The following GBP6 variants were observed in gnomAD, a reference collection of about 807,000 sequenced individuals.
GBP6 encodes the protein guanylate-binding protein 6.
A neutral mutation model predicts 61.5 loss-of-function variants in GBP6; 54 were observed. The ratio of observed to expected loss-of-function variants is 0.88; its 90% CI spans 0.71 to 1.10. The LOEUF is 1.10. GBP6 is among the 50% of genes least tolerant of loss of function. The pLI is 0.00. For synonymous variants in GBP6, 255 were observed against 273.7 expected (o/e 0.93, Z 0.67); for missense variants, 748 against 752.8 (o/e 0.99, Z 0.07).
chr1:89,383,096 G>C (rs1337336495), intron 8 of GBP6, among the ~76,000 whole-genome samples: 1 of 152,120 alleles, frequency 6.6e-6, no homozygotes. Context: ...CCACCTAGGT[G>C]GTGGTAATAA....
At chr1:89,368,394 A>T in intron 1 of GBP6, 135 bp from the exon 2 acceptor site, 2 of 579,068 alleles carry the variant, frequency 3.5e-6, no homozygotes, top group Non-Finnish European at 6.2e-6. Flanking sequence ...TGATAAAAGA[A>T]GCCTTGTGCA....
At chr1:89,364,327 G>C (rs918119738) in intron 1 of GBP6, among the ~76,000 whole-genome samples, 200 bp downstream of exon 1, 8 of 152,242 alleles carry the variant, frequency 5.3e-5, no homozygotes, top group African/African-American at 1.9e-4. Context: ...CGTCCCCCTG[G>C]ATGTGCTGTT....
chr1:89,370,865 T>A (rs1570461845), intron 3 of GBP6, among the ~76,000 whole-genome samples: 1 of 152,320 alleles, frequency 6.6e-6, no homozygotes, highest in African/African-American at 2.4e-5. Context: ...TCTGTCCTCT[T>A]AGCGGAAGTG....
chr1:89,369,468 A>G (rs1158177023), intron 2 of GBP6, 78 bp from the exon 3 acceptor site: 2 of 1,514,694 alleles, frequency 1.3e-6, no homozygotes, highest in Non-Finnish European at 1.8e-6. Context: ...TTACAATCCA[A>G]CCAGTCTGAT....
intron 2 of GBP6, among the ~76,000 whole-genome samples, chr1:89,369,117 C>G (rs1652548028): frequency 1.3e-5 from 2 of 152,172 alleles, no homozygotes; most frequent in African/African-American, 4.8e-5. Flanking sequence ...ATTCCACATC[C>G]CATGTGGCCA....
Position 89,383,771 on chromosome 1 carries a change from A to C in GBP6, c.1468+17A>C. 6.5e-7 allele frequency: 1 copy of C among 1,548,252 alleles called. No homozygotes were observed. The highest frequency in any genetic ancestry group is 8.8e-7 in the Non-Finnish European group (1 of 1,134,132). ...CAGTAGCAGGTATGGGGCAGGGCTC[A>C]GCTTACACAGGAGGGGTACGTTTAT... On this transcript the variant is annotated intron_variant, in intron 9 of 10. Coordinates refer to ENST00000370456, the MANE Select transcript of GBP6 (RefSeq NM_198460.3).
chr1:89,376,879 T>C (rs1652823570), intron 3 of GBP6, among the ~76,000 whole-genome samples: 1 of 152,168 alleles, frequency 6.6e-6, no homozygotes, highest in Non-Finnish European at 1.5e-5. Flanking sequence ...GGGATTTTTA[T>C]AGAAACTTTA....
intron 1 of GBP6, among the ~76,000 whole-genome samples, chr1:89,366,599 T>C (rs925019366): frequency 3.9e-5 from 6 of 152,312 alleles, no homozygotes; most frequent in African/African-American, 1.4e-4. Flanking sequence ...GTCTTTGAGG[T>C]AGGTTATTTT....
chr1:89,385,596 C>T lies in GBP6; in HGVS notation c.*127C>T. Reference sequence around the variant, plus strand: ...TTGCCCAGGCTGGAGTACAGTGGTGCAATCTCAGCTCACTGCAACCTCTGC... The same window carrying T: ...TTGCCCAGGCTGGAGTACAGTGGTGTAATCTCAGCTCACTGCAACCTCTGC... On this transcript the variant is annotated 3_prime_UTR_variant, in exon 11 of 11. Coordinates refer to ENST00000370456, the MANE Select transcript of GBP6 (RefSeq NM_198460.3). 12 of 872,886 alleles carry T rather than the reference C, an allele frequency of 1.4e-5. No homozygotes were observed. Among genetic ancestry groups the T allele is most frequent in the Non-Finnish European group, 1.9e-5 (11 of 591,896 alleles). 54.1% of individuals were successfully genotyped at this position (872,886 alleles called of 1,614,324 possible).
chr1:89,370,288 T>C (rs1471285768), intron 3 of GBP6, among the ~76,000 whole-genome samples: 2 of 152,114 alleles, frequency 1.3e-5, no homozygotes, highest in Non-Finnish European at 2.9e-5. Context: ...AGAGAAGAGG[T>C]ATTGACTCCA....
intron 7 of GBP6, 67 bp from the exon 8 acceptor site, chr1:89,382,597 C>G: frequency 7.6e-7 from 1 of 1,308,046 alleles, no homozygotes; most frequent in Non-Finnish European, 1.1e-6. Flanking sequence ...ACTCTACCAC[C>G]AGATTCTTTA....
intron 1 of GBP6, among the ~76,000 whole-genome samples, chr1:89,365,813 G>C (rs1401277590): frequency 6.6e-6 from 1 of 152,120 alleles, no homozygotes; most frequent in East Asian, 1.9e-4. Context: ...TGACCTCCTT[G>C]GTCAAGGCCA....
At chr1:89,378,242 C>A (rs781104124) in intron 4 of GBP6, 30 bp downstream of exon 4, 4 of 1,587,344 alleles carry the variant, frequency 2.5e-6, no homozygotes, top group Non-Finnish European at 3.4e-6. Context: ...ACAGAACCAC[C>A]AGGTTTCATT....
At chr1:89,382,038 C>T in intron 7 of GBP6, 64 bp downstream of exon 7, 1 of 1,469,782 alleles carries the variant, frequency 6.8e-7, no homozygotes, top group Non-Finnish European at 9.2e-7. Context: ...CTATAGTTGC[C>T]TTTATTGTCA....
At position 89,381,884 on chromosome 1, in the gene GBP6, C is replaced by T. The variant is rs371371251; in HGVS notation, c.1062C>T (p.Asp354=). Residue 354 remains aspartate (D), a synonymous_variant, in exon 7 of 11, where the codon GAC becomes GAT. Coordinates refer to ENST00000370456, the MANE Select transcript of GBP6 (RefSeq NM_198460.3). ...CAGACACGCTCCAGGAGCTGCTGGA[C>T]ATGCATGCGGCCTGTGAGAGGGAAG... is the stretch of plus-strand genomic sequence containing the variant. ...LPTDTLQELL[D]MHAACEREAI... The T allele has an allele frequency of 1.2e-5, 19 of 1,613,990 alleles. No individual in the cohort carries two copies. Among genetic ancestry groups the T allele is most frequent in the African/African-American group, 4.0e-5 (3 of 74,900 alleles).
intron 1 of GBP6, among the ~76,000 whole-genome samples, chr1:89,366,960 T>C (rs942130136): frequency 2.0e-5 from 3 of 152,240 alleles, no homozygotes; most frequent in Non-Finnish European, 4.4e-5. Flanking sequence ...TTCAAGGTGA[T>C]CCATGTTGTA....
intron 8 of GBP6, 131 bp from the exon 9 acceptor site, chr1:89,383,521 C>A: frequency 1.5e-6 from 1 of 655,708 alleles, no homozygotes; most frequent in Non-Finnish European, 2.7e-6. Flanking sequence ...AGAGCCCGCA[C>A]ACTTTGTAGG....
At position 89,384,251 on chromosome 1, in the gene GBP6, A is replaced by G. The variant is rs1653072576; in HGVS notation, c.1627A>G (p.Arg543Gly). The G allele has an allele frequency of 6.2e-7, 1 of 1,613,838 alleles. No homozygotes were observed. Among genetic ancestry groups the G allele is most frequent in the Non-Finnish European group, 8.5e-7 (1 of 1,179,908 alleles). Residue 543 changes from arginine (R) to glycine (G), a missense_variant, in exon 10 of 11, where the codon AGA (arginine) becomes GGA (glycine). By Grantham distance (125) the Arg-to-Gly change is moderately radical. Coordinates refer to ENST00000370456, the MANE Select transcript of GBP6 (RefSeq NM_198460.3). ...GCAGATGGAGAGAGAACACCTACTG[A>G]GAGAGCAGATTATGATGTTGGAGCA... Reference protein sequence around the residue: ...KLQMEREHLLREQIMMLEHTQ... With the variant: ...KLQMEREHLLGEQIMMLEHTQ...
At position 89,380,264 on chromosome 1, in the gene GBP6, G is replaced by A. The variant is rs1385187110; in HGVS notation, c.626-122G>A. 4 of 755,018 alleles carry A rather than the reference G, an allele frequency of 5.3e-6. No homozygotes were observed. In the East Asian group the frequency reaches 1.0e-4, roughly 19 times the overall value. 46.8% of individuals were successfully genotyped at this position (755,018 alleles called of 1,614,324 possible). A position where few individuals can be genotyped will look rare whatever the true frequency, so the allele number is the denominator to read the frequency against. On this transcript the variant is annotated intron_variant, in intron 5 of 10. Transcript: ENST00000370456. ...GTGCACAGAAGTATTTAATTTTTAT[G>A]TTAAAGGAGGTCTGTAAGCATAGAA... is the stretch of plus-strand genomic sequence containing the variant.
Sources: gnomAD v4.1 joint callset for allele counts (sites outside exome capture counted in the v4.1 genomes callset) on GRCh38, gnomAD v4.1.1 for gene constraint, MANE v1.5 for transcripts, NCBI Gene and HGNC (gene_info 2026-07-23, HGNC 2026-07-21) for gene names.